The following FAM114A2 variants were observed in gnomAD, a reference collection of about 807,000 sequenced individuals.
The protein encoded by FAM114A2 is protein FAM114A2.
In FAM114A2, 53 loss-of-function variants were observed where a neutral mutation model predicts 58.4. That is an observed-to-expected ratio of 0.91 (90% confidence interval 0.73 to 1.14). The LOEUF is 1.14. FAM114A2 is among the 50% of genes most tolerant of loss of function. The probability of loss-of-function intolerance (pLI) is 0.00; values close to 1 mark genes in which losing one functional copy is unlikely to be tolerated. For missense variants in FAM114A2, 601 were observed against 581.1 expected (o/e 1.03, Z -0.35); for synonymous variants, 228 against 211.4 (o/e 1.08, Z -0.68).
chr5:154,009,673 T>A (rs1770567972), intron 9 of FAM114A2, among the ~76,000 whole-genome samples: 3 of 152,182 alleles, frequency 2.0e-5, no homozygotes, highest in Non-Finnish European at 4.4e-5. Flanking sequence ...CCTTTAGATG[T>A]GATACCCTGG....
Position 154,028,178 on chromosome 5 carries a change from G to A in FAM114A2, c.601C>T (p.Leu201=). 6.2e-7 allele frequency: 1 copy of A among 1,612,822 alleles called. No individual in the cohort carries two copies. The highest frequency in any genetic ancestry group is 8.5e-7 in the Non-Finnish European group (1 of 1,179,184). The change falls in exon 6 of 14, where the codon CTG becomes TTG. Residue 201 remains leucine, a synonymous_variant. Coordinates refer to ENST00000351797, the MANE Select transcript of FAM114A2 (RefSeq NM_018691.4). ...GATAGTGTAGCATTTCGGTTCATCA[G>A]ACCCTTGGTTCTTTTAAATCCAGGA... ...GDPGFKRTKG[L]MNRNATLSQV... is the part of the protein sequence containing the mutation.
At chr5:153,995,281 G>A (rs1466027798) in intron 12 of FAM114A2, 2 of 216,324 alleles carry the variant, frequency 9.2e-6, no homozygotes, top group East Asian at 1.8e-4. Context: ...TGTAGATATG[G>A]AACATGTGCT....
intron 10 of FAM114A2, 125 bp downstream of exon 10, chr5:154,002,722 C>T (rs1343211465): frequency 8.2e-6 from 8 of 971,772 alleles, no homozygotes; most frequent in Non-Finnish European, 1.1e-5. Flanking sequence ...ATCTAAGATG[C>T]TACAATCCTA....
At chr5:154,000,677 G>T (rs1287032948) in intron 11 of FAM114A2, among the ~76,000 whole-genome samples, 3 of 152,120 alleles carry the variant, frequency 2.0e-5, no homozygotes, top group African/African-American at 7.2e-5. Context: ...TGAGGTATAA[G>T]AAGACCCATC....
At chr5:154,015,498 G>T (rs1371707807) in intron 8 of FAM114A2, among the ~76,000 whole-genome samples, 1 of 152,174 alleles carries the variant, frequency 6.6e-6, no homozygotes. Context: ...GACTTGCTGG[G>T]TGGCTAGATC....
At chr5:154,028,055 TGAAAA>T (rs920492572) in intron 6 of FAM114A2, 89 bp downstream of exon 6, 31 of 1,161,630 alleles carry the variant, frequency 2.7e-5, no homozygotes, top group African/African-American at 2.6e-4. Context: ...TGAAAATGCT[TGAAAA>T]GAAAACACTA....
intron 6 of FAM114A2, among the ~76,000 whole-genome samples, chr5:154,027,802 C>A (rs1486597815): frequency 1.3e-5 from 2 of 152,086 alleles, no homozygotes; most frequent in Admixed American, 6.6e-5. Flanking sequence ...TGCCTGACCA[C>A]ATAATTTGAT....
At chr5:154,000,926 T>G (rs1305142289) in intron 11 of FAM114A2, among the ~76,000 whole-genome samples, 2 of 152,218 alleles carry the variant, frequency 1.3e-5, no homozygotes, top group African/African-American at 4.8e-5. Context: ...TATTAGTTAC[T>G]GGGTGCTAAT....
intron 9 of FAM114A2, among the ~76,000 whole-genome samples, chr5:154,006,399 G>A (rs1490361062): frequency 6.6e-6 from 1 of 152,166 alleles, no homozygotes; most frequent in East Asian, 1.9e-4. Context: ...GTCAGGAAGG[G>A]TCTCTGAAAA....
chr5:154,027,422 G>T, intron 6 of FAM114A2, 88 bp from the exon 7 acceptor site: 1 of 1,171,372 alleles, frequency 8.5e-7, no homozygotes, highest in Non-Finnish European at 1.2e-6. Flanking sequence ...AGCTTAGACA[G>T]GTTAGAGTAC....
At position 153,994,976 on chromosome 5, in the gene FAM114A2, G is replaced by A; in HGVS notation, c.1330-4C>T. On this transcript the variant is annotated splice_region_variant and splice_polypyrimidine_tract_variant and intron_variant, in intron 12 of 13. Transcript: ENST00000351797. ...GGACATCTGCCATTTCTTTGACCTG[G>A]AATAACGAATACATTTTTAAGTGAG... is the stretch of plus-strand genomic sequence containing the variant. 3 of 1,600,742 alleles carry A rather than the reference G, an allele frequency of 1.9e-6. No individual in the cohort carries two copies. The highest frequency in any genetic ancestry group is 2.6e-6 in the Non-Finnish European group (3 of 1,168,106).
intron 13 of FAM114A2, 97 bp from the exon 14 acceptor site, chr5:153,993,207 C>G: frequency 3.0e-6 from 3 of 1,013,694 alleles, no homozygotes; most frequent in Non-Finnish European, 4.1e-6. Flanking sequence ...TTTTTGTAAT[C>G]TAACTGAATT....
chr5:154,014,774 C>CA (rs1390164123), intron 8 of FAM114A2, among the ~76,000 whole-genome samples: 4 of 152,130 alleles, frequency 2.6e-5, no homozygotes, highest in African/African-American at 9.7e-5. Context: ...AACTTCGCAA[C>CA]AATTTGAACT....
intron 9 of FAM114A2, among the ~76,000 whole-genome samples, chr5:154,004,346 G>T (rs1770209820): frequency 1.3e-5 from 2 of 151,872 alleles, no homozygotes; most frequent in Admixed American, 1.3e-4. Flanking sequence ...ATATTATTTG[G>T]AGGTCTAGCC....
rs1769263177 is a variant in FAM114A2 at position 153,991,820 on chromosome 5, AC to A, written c.*1155del. 1 of 152,110 alleles carries A rather than the reference AC, an allele frequency of 6.6e-6. No individual in the cohort carries two copies. The highest frequency in any genetic ancestry group is 1.5e-5 in the Non-Finnish European group (1 of 68,030). 9.4% of individuals were successfully genotyped at this position (152,110 alleles called of 1,614,324 possible). A position where few individuals can be genotyped will look rare whatever the true frequency, so the allele number is the denominator to read the frequency against. On this transcript the variant is annotated 3_prime_UTR_variant, in exon 14 of 14. Coordinates refer to ENST00000351797, the MANE Select transcript of FAM114A2 (RefSeq NM_018691.4). ...TTTTAGAAGATGAGGGGCAGAGCTA[AC>A]AAATTACCTTAATCATTAAAAAACC... is the stretch of plus-strand genomic sequence containing the variant.
chr5:154,019,786 G>A (rs138149688), intron 8 of FAM114A2, among the ~76,000 whole-genome samples: 2,520 of 152,054 alleles, frequency 0.017, 21 homozygotes, highest in Non-Finnish European at 0.025. Flanking sequence ...GTAGGGAAAG[G>A]ACACCCTATT....
intron 9 of FAM114A2, among the ~76,000 whole-genome samples, 200 bp downstream of exon 9, chr5:154,011,041 G>A (rs571102162): frequency 1.3e-5 from 2 of 152,310 alleles, no homozygotes; most frequent in African/African-American, 2.4e-5. Flanking sequence ...GATGGGACAC[G>A]TGTTGTGGGG....
intron 8 of FAM114A2, among the ~76,000 whole-genome samples, chr5:154,018,640 T>C (rs1313258222): frequency 6.6e-6 from 1 of 152,164 alleles, no homozygotes; most frequent in African/African-American, 2.4e-5. Context: ...CTGATGAGTA[T>C]AGATGCTAAA....
At chr5:154,011,976 AG>A (rs1275604246) in intron 8 of FAM114A2, among the ~76,000 whole-genome samples, 1 of 152,234 alleles carries the variant, frequency 6.6e-6, no homozygotes, top group East Asian at 1.9e-4. Flanking sequence ...CTTTATAATG[AG>A]GAAGTGAGGA....
Sources: allele counts gnomAD v4.1 joint callset (sites outside exome capture counted in the v4.1 genomes callset), GRCh38; gene constraint gnomAD v4.1.1; transcripts MANE v1.5; gene names NCBI Gene and HGNC (gene_info 2026-07-23, HGNC 2026-07-21).